Variants in RHOBTB1 observed in about 807,000 individuals in gnomAD.
RHOBTB1 encodes Rho related BTB domain containing 1, also known as rho-related BTB domain-containing protein 1.
In RHOBTB1, 40 loss-of-function variants were observed where a neutral mutation model predicts 71.6. That is an observed-to-expected ratio of 0.56 (90% CI 0.43 to 0.73). RHOBTB1 has a LOEUF of 0.73. Ranked by LOEUF, RHOBTB1 falls within the 30% of genes least tolerant of loss-of-function variation. The pLI is 0.00. For missense variants in RHOBTB1, 797 were observed against 894.0 expected, an observed-to-expected ratio of 0.89 and a Z score of 1.38; for synonymous variants, 319 against 334.9, an observed-to-expected ratio of 0.95 and a Z score of 0.52.
chr10:60,871,671 G>T lies in RHOBTB1; in HGVS notation c.1922-20C>A. On this transcript the variant is annotated intron_variant, in intron 10 of 10. Coordinates refer to ENST00000337910, the MANE Select transcript of RHOBTB1 (RefSeq NM_014836.5). ...GGTTGTCTGGTGAAGGAAAGATGCA[G>T]ACCATAAGACCTGCGGTTCATTGAT... The T allele has an allele frequency of 6.2e-7, 1 of 1,610,030 alleles. No individual in the cohort carries two copies. The highest frequency in any genetic ancestry group is 8.5e-7 in the Non-Finnish European group (1 of 1,178,074).
At chr10:60,975,484 G>A (rs2086286228) in intron 2 of RHOBTB1, among the ~76,000 whole-genome samples, 1 of 152,080 alleles carries the variant, frequency 6.6e-6, no homozygotes, top group Non-Finnish European at 1.5e-5. Context: ...GAGTTTTTAA[G>A]TGATGTGTAA....
intron 2 of RHOBTB1, among the ~76,000 whole-genome samples, chr10:60,957,645 C>G (rs549892661): frequency 6.6e-6 from 1 of 151,748 alleles, no homozygotes; most frequent in Non-Finnish European, 1.5e-5. Context: ...AAAGCAGATC[C>G]AAGTGAGTAA....
At chr10:61,000,432 C>A (rs1244195787) in intron 1 of RHOBTB1, among the ~76,000 whole-genome samples, 3 of 152,124 alleles carry the variant, frequency 2.0e-5, no homozygotes, top group East Asian at 3.9e-4. Flanking sequence ...CAAGATGATG[C>A]GACAGGATTC....
intron 2 of RHOBTB1, among the ~76,000 whole-genome samples, chr10:60,955,706 C>T (rs188793230): frequency 6.5e-4 from 99 of 152,202 alleles, no homozygotes; most frequent in African/African-American, 2.3e-3. Context: ...AATTTGTGGT[C>T]TACAATGTGT....
chr10:60,999,736 A>G (rs976923457), intron 1 of RHOBTB1, among the ~76,000 whole-genome samples: 1 of 152,268 alleles, frequency 6.6e-6, no homozygotes, highest in Non-Finnish European at 1.5e-5. Flanking sequence ...GCTATTCCAC[A>G]AAAACCTGCA....
intron 2 of RHOBTB1, among the ~76,000 whole-genome samples, chr10:60,971,753 A>G (rs1467299011): frequency 6.6e-6 from 1 of 152,206 alleles, no homozygotes; most frequent in Non-Finnish European, 1.5e-5. Flanking sequence ...CAGAGTGAGC[A>G]GGCAACCTAC....
At chr10:60,938,945 A>G (rs375642943) in intron 2 of RHOBTB1, among the ~76,000 whole-genome samples, 3 of 152,154 alleles carry the variant, frequency 2.0e-5, no homozygotes, top group East Asian at 3.8e-4. Flanking sequence ...CACAGCAGTC[A>G]TTAGGAGTTT....
intron 7 of RHOBTB1, 123 bp from the exon 8 acceptor site, chr10:60,878,181 T>C: frequency 1.4e-6 from 1 of 702,048 alleles, no homozygotes; most frequent in Non-Finnish European, 2.4e-6. Flanking sequence ...ACACCTGCTT[T>C]GAGGCTGTGC....
intron 1 of RHOBTB1, among the ~76,000 whole-genome samples, chr10:60,988,621 G>T (rs138665410): frequency 5.9e-5 from 9 of 152,162 alleles, no homozygotes; most frequent in African/African-American, 1.9e-4. Context: ...TCACATTGTC[G>T]CAAGGGACAT....
intron 4 of RHOBTB1, among the ~76,000 whole-genome samples, chr10:60,901,377 A>G (rs2082406981): frequency 6.6e-6 from 1 of 152,222 alleles, no homozygotes; most frequent in African/African-American, 2.4e-5. Context: ...GTAACCGTTA[A>G]GTGCCAATTA....
At position 60,877,944 on chromosome 10, in the gene RHOBTB1, T is replaced by C; in HGVS notation, c.1690A>G (p.Asn564Asp). ...LDPLELIALA[N>D]RFCLPHLVAL... ...ACCAAGTGTGGCAGGCAAAATCTGT[T>C]TGCCAAGGCAATTAATTCCAGCGGG... Residue 564 changes from asparagine to aspartate, a missense_variant, in exon 8 of 11, where the codon AAC (asparagine) becomes GAC (aspartate). By Grantham distance (23) the Asn-to-Asp change is conservative. Transcript: ENST00000337910. 6.2e-7 allele frequency: 1 copy of C among 1,614,062 alleles called. No homozygotes were observed. Among genetic ancestry groups the C allele is most frequent in the Non-Finnish European group, 8.5e-7 (1 of 1,179,956 alleles).
chr10:60,948,783 G>T (rs76108778), upstream of RHOBTB1, among the ~76,000 whole-genome samples: 1,810 of 152,338 alleles, frequency 0.012, 40 homozygotes, highest in African/African-American at 0.041. Flanking sequence ...AGTTAAGCCA[G>T]TGGCTTTAAT....
In RHOBTB1 at chr10:60,888,717, G is replaced by A; in HGVS notation, c.951C>T (p.Ser317=). 1 of 1,614,164 alleles carries A rather than the reference G, an allele frequency of 6.2e-7. No individual in the cohort carries two copies. Reference sequence around the variant, plus strand: ...TCAATATCCGCCCCTGGAAATCTCTGCTCTGCTTCTCTTTCTCACAGGCTC... The same window carrying A: ...TCAATATCCGCCCCTGGAAATCTCTACTCTGCTTCTCTTTCTCACAGGCTC... ...SEGACEKEKQ[S]RDFQGRILSV... The change falls in exon 6 of 11, where the codon AGC becomes AGT. Residue 317 remains serine (S), a synonymous_variant. Coordinates refer to ENST00000337910, the MANE Select transcript of RHOBTB1 (RefSeq NM_014836.5).
Position 60,888,813 on chromosome 10 carries a change from GA to G in RHOBTB1, c.854del (p.Leu285ProfsTer13). 2 of 1,614,210 alleles carry G rather than the reference GA, an allele frequency of 1.2e-6. No individual in the cohort carries two copies. The highest frequency in any genetic ancestry group is 1.7e-6 in the Non-Finnish European group (2 of 1,180,038). ...QEHIFAHRIY[L>X]ATSSSKFYDL... ...CATAAAATTTGGAAGAAGAGGTAGC[GA>G]GGTAAATTCGATGTGCAAAGATGTG... On this transcript the variant is annotated frameshift_variant, in exon 6 of 11. Transcript: ENST00000337910. LOFTEE classifies it high-confidence loss of function.
intron 2 of RHOBTB1, among the ~76,000 whole-genome samples, chr10:60,923,354 A>T (rs1483095489): frequency 6.6e-6 from 1 of 152,246 alleles, no homozygotes; most frequent in African/African-American, 2.4e-5. Context: ...ATAAACTAAT[A>T]GCAGATGAAA....
At chr10:60,951,154 A>C (rs922381409) in intron 2 of RHOBTB1, among the ~76,000 whole-genome samples, 1 of 152,226 alleles carries the variant, frequency 6.6e-6, no homozygotes, top group African/African-American at 2.4e-5. Flanking sequence ...GACTATGTGG[A>C]TGCAAAGCTT....
At chr10:60,886,491 T>C (rs2081582676) in intron 6 of RHOBTB1, among the ~76,000 whole-genome samples, 1 of 152,024 alleles carries the variant, frequency 6.6e-6, no homozygotes, top group Admixed American at 6.6e-5. Flanking sequence ...GGAGGGAATA[T>C]TTTTTCCTCC....
intron 2 of RHOBTB1, among the ~76,000 whole-genome samples, chr10:60,926,408 GCAGA>G (rs2083887389): frequency 6.6e-6 from 1 of 152,104 alleles, no homozygotes; most frequent in Non-Finnish European, 1.5e-5. Flanking sequence ...GATACCACAA[GCAGA>G]CAAAGACACA....
At chr10:60,887,555 C>T (rs986217387) in intron 6 of RHOBTB1, among the ~76,000 whole-genome samples, 17 of 152,142 alleles carry the variant, frequency 1.1e-4, no homozygotes, top group African/African-American at 3.1e-4. Context: ...AAGGGTGCTG[C>T]GGGCAGCATA....
Sources: allele counts gnomAD v4.1 joint callset (sites outside exome capture counted in the v4.1 genomes callset), GRCh38; gene constraint gnomAD v4.1.1; transcripts MANE v1.5; gene names NCBI Gene and HGNC (gene_info 2026-07-23, HGNC 2026-07-21).